The following NPSR1 variants were observed in gnomAD, a reference collection of about 807,000 sequenced individuals.
NPSR1 encodes the protein neuropeptide S receptor 1.
In NPSR1, 48 loss-of-function variants were observed where a neutral mutation model predicts 46.9. The observed-to-expected ratio is 1.02, with a 90% CI of 0.81 to 1.30. The LOEUF (loss-of-function observed/expected upper bound fraction) is 1.30, where lower values mean the gene tolerates loss of function less well. Ranked by LOEUF, NPSR1 falls within the 50% of genes most tolerant of loss-of-function variation. The pLI is 0.00. For synonymous variants in NPSR1, 176 were observed against 168.1 expected (o/e 1.05, Z -0.36); for missense variants, 450 against 449.5 (o/e 1.00, Z -0.01).
At chr7:34,868,295 G>A (rs1309038632) in intron 8 of NPSR1, among the ~76,000 whole-genome samples, 1 of 151,480 alleles carries the variant, frequency 6.6e-6, no homozygotes, top group Non-Finnish European at 1.5e-5. Context: ...CCAGGCAGCA[G>A]CCCCACTCTG....
intron 3 of NPSR1, among the ~76,000 whole-genome samples, chr7:34,790,301 C>T (rs1347667213): frequency 6.6e-6 from 1 of 151,976 alleles, no homozygotes; most frequent in African/African-American, 2.4e-5. Context: ...TGCAGAAAAA[C>T]ATCGTGACAA....
At chr7:34,679,433 A>G (rs954509382) in intron 1 of NPSR1, among the ~76,000 whole-genome samples, 3 of 152,200 alleles carry the variant, frequency 2.0e-5, no homozygotes, top group African/African-American at 7.2e-5. Context: ...GGCAAAATTA[A>G]TATTAGGAAA....
intron 2 of NPSR1, among the ~76,000 whole-genome samples, chr7:34,728,451 G>A (rs554435985): frequency 1.6e-4 from 25 of 152,328 alleles, no homozygotes; most frequent in African/African-American, 6.0e-4. Flanking sequence ...CTAGAGAGGC[G>A]TGCAGTGCCT....
intron 1 of NPSR1, among the ~76,000 whole-genome samples, chr7:34,676,546 A>C (rs1355064523): frequency 1.3e-5 from 2 of 152,182 alleles, no homozygotes; most frequent in African/African-American, 4.8e-5. Flanking sequence ...GGAGGGGGAC[A>C]TGCACGCATA....
At chr7:34,807,589 C>G (rs1471363074) in intron 3 of NPSR1, among the ~76,000 whole-genome samples, 4 of 151,844 alleles carry the variant, frequency 2.6e-5, no homozygotes, top group Admixed American at 2.6e-4. Context: ...CTTGATATAC[C>G]TTTGGCCATC....
intron 3 of NPSR1, among the ~76,000 whole-genome samples, chr7:34,803,915 C>T (rs1022911422): frequency 3.3e-5 from 5 of 151,912 alleles, no homozygotes; most frequent in Non-Finnish European, 5.9e-5. Context: ...GAACCTATTC[C>T]TTGAAAAGCT....
chr7:34,792,734 T>TATATTTATATATATGTA (rs58315247), intron 3 of NPSR1, among the ~76,000 whole-genome samples: 1 of 123,300 alleles, frequency 8.1e-6, no homozygotes, highest in Non-Finnish European at 1.7e-5. Flanking sequence ...TATATATATA[T>TATATTTATATATATGTA]TAGCCAGGCA....
Position 34,848,541 on chromosome 7 carries a change from C to A in NPSR1, c.903C>A (p.Leu301=). The change falls in exon 8 of 9, where the codon CTC becomes CTA. Residue 301 remains leucine, a synonymous_variant. Coordinates refer to ENST00000360581, the MANE Select transcript of NPSR1 (RefSeq NM_207172.2). ...TTGACATTTTGGACAATTTCAACCTCCTTCCAGACACCCAGGAGCGTTTCT... is the reference window on the plus strand; with the variant it reads ...TTGACATTTTGGACAATTTCAACCTACTTCCAGACACCCAGGAGCGTTTCT... The part of the protein sequence containing the change: ...FLFDILDNFN[L]LPDTQERFYA... 1 of 1,614,184 alleles carries A rather than the reference C, an allele frequency of 6.2e-7. No homozygotes were observed. The highest frequency in any genetic ancestry group is 1.1e-5 in the South Asian group (1 of 91,068).
At chr7:34,789,604 C>A (rs1584023531) in intron 3 of NPSR1, among the ~76,000 whole-genome samples, 1 of 151,702 alleles carries the variant, frequency 6.6e-6, no homozygotes, top group East Asian at 1.9e-4. Flanking sequence ...ACCAGCCTGA[C>A]CAACATGCAG....
chr7:34,672,063 G>A (rs1487587218), intron 1 of NPSR1, among the ~76,000 whole-genome samples: 1 of 152,220 alleles, frequency 6.6e-6, no homozygotes, highest in Admixed American at 6.5e-5. Flanking sequence ...ACATTGTAGA[G>A]ATTTGGACTT....
chr7:34,664,362 C>T (rs1791628751), intron 1 of NPSR1, among the ~76,000 whole-genome samples: 1 of 152,124 alleles, frequency 6.6e-6, no homozygotes, highest in Admixed American at 6.5e-5. Flanking sequence ...TGAGAGAATG[C>T]TTGTATAGCC....
intron 3 of NPSR1, among the ~76,000 whole-genome samples, chr7:34,809,335 C>T (rs930019877): frequency 6.6e-6 from 1 of 151,578 alleles, no homozygotes. Context: ...GAGGAGCCTT[C>T]AATTTCTTTT....
chr7:34,856,753 A>G (rs1384904152), intron 8 of NPSR1, among the ~76,000 whole-genome samples: 1 of 151,550 alleles, frequency 6.6e-6, no homozygotes, highest in African/African-American at 2.4e-5. Context: ...GTTAATGAAA[A>G]CTCGGGGAAG....
intron 2 of NPSR1, among the ~76,000 whole-genome samples, chr7:34,772,676 G>A (rs1786740631): frequency 6.6e-6 from 1 of 152,102 alleles, no homozygotes; most frequent in South Asian, 2.1e-4. Flanking sequence ...CAACAGCAGG[G>A]GCAGGGCACC....
Position 34,700,956 on chromosome 7 carries a change from C to A in NPSR1, c.280+16272C>A, listed in dbSNP as rs1467830877. 4.5e-4 allele frequency among the ~76,000 whole-genome samples: 69 copies of A among 152,210 alleles called. 1 individual carries two copies. The highest frequency in any genetic ancestry group is 4.5e-3 in the Admixed American group (69 of 15,274). Reference sequence around the variant, plus strand: ...TAGAAATGATTAATTTAAACTCCTTCAAGTAACTTACTAAAGAGTGAAAGT... The same window carrying A: ...TAGAAATGATTAATTTAAACTCCTTAAAGTAACTTACTAAAGAGTGAAAGT... On this transcript the variant is annotated intron_variant, in intron 2 of 8. Coordinates refer to ENST00000360581, the MANE Select transcript of NPSR1 (RefSeq NM_207172.2).
At chr7:34,862,599 G>A (rs1218276498) in intron 8 of NPSR1, among the ~76,000 whole-genome samples, 1 of 151,704 alleles carries the variant, frequency 6.6e-6, no homozygotes, top group Non-Finnish European at 1.5e-5. Context: ...CTTCTCTGTA[G>A]ATACTTTTGG....
chr7:34,721,574 A>G (rs1464641472), intron 2 of NPSR1, among the ~76,000 whole-genome samples: 1 of 152,222 alleles, frequency 6.6e-6, no homozygotes, highest in Non-Finnish European at 1.5e-5. Context: ...AGGCCCTGCA[A>G]TTAGAAAGGT....
At chr7:34,723,516 C>CATAAATAAATAAATAA (rs34955612) in intron 2 of NPSR1, 24 of 145,940 alleles carry the variant, frequency 1.6e-4, no homozygotes, top group South Asian at 2.2e-4. Context: ...TTCTAAATAG[C>CATAAATAAATAAATAA]ATAAATAAAT....
chr7:34,719,606 G>T (rs1350126801), intron 2 of NPSR1: 1 of 152,180 alleles, frequency 6.6e-6, no homozygotes, highest in Non-Finnish European at 1.5e-5. Flanking sequence ...TCATACAGCT[G>T]GCACCTTACT....
Sources: allele counts gnomAD v4.1 joint callset (sites outside exome capture counted in the v4.1 genomes callset), GRCh38; gene constraint gnomAD v4.1.1; transcripts MANE v1.5; gene names NCBI Gene and HGNC (gene_info 2026-07-23, HGNC 2026-07-21).